Variants in GLYCTK observed in about 807,000 individuals in gnomAD.
GLYCTK encodes glycerate kinase, also known as HBeAg binding protein 4.
Under a neutral mutation model 24.8 loss-of-function variants are expected in GLYCTK, and 22 were observed. The ratio of observed to expected loss-of-function variants is 0.89; its 90% CI spans 0.63 to 1.27. The LOEUF is 1.27. GLYCTK is among the 50% of genes most tolerant of loss of function. The pLI is 0.00. For synonymous variants in GLYCTK, 320 were observed against 297.2 expected, an observed-to-expected ratio of 1.08 and a Z score of -0.79; for missense variants, 684 against 686.7, an observed-to-expected ratio of 1.00 and a Z score of 0.04.
At chr3:52,290,902 T>G (rs371251254) in intron 2 of GLYCTK, 58 bp from the exon 3 acceptor site, 1 of 1,608,004 alleles carries the variant, frequency 6.2e-7, no homozygotes. Context: ...AGTTGAGAGA[T>G]CAGGTGGGAG....
At position 52,290,501 on chromosome 3, in the gene GLYCTK, C is replaced by T. The variant is rs1700427928; in HGVS notation, c.159C>T (p.Pro53=). The change falls in exon 2 of 5, where the codon CCC becomes CCT. Residue 53 remains proline, a synonymous_variant. Coordinates refer to ENST00000436784, the MANE Select transcript of GLYCTK (RefSeq NM_145262.4). The part of the protein sequence containing the change: ...ESAVGAVLPG[P]MLHRALSLDP... ...CTGTAGGTGCAGTGCTGCCGGGCCC[C>T]ATGCTGCACCGGGCACTATCCTTGG... 6.2e-7 allele frequency: 1 copy of T among 1,613,464 alleles called. No individual in the cohort carries two copies. The highest frequency in any genetic ancestry group is 8.5e-7 in the Non-Finnish European group (1 of 1,180,014).
Position 52,290,417 on chromosome 3 carries a change from G to A in GLYCTK, c.75G>A (p.Val25=). 6.2e-7 allele frequency: 1 copy of A among 1,610,470 alleles called. No homozygotes were observed. The highest frequency in any genetic ancestry group is 8.5e-7 in the Non-Finnish European group (1 of 1,179,956). Residue 25 remains valine (V), a synonymous_variant, in exon 2 of 5, where the codon GTG becomes GTA. Coordinates refer to ENST00000436784, the MANE Select transcript of GLYCTK (RefSeq NM_145262.4). ...ATCCACTCCTCTGGCGGGGCTCAGT[G>A]GCCCGTCTGGCCAGCAGCATGGCCT... ...PLHPLLWRGS[V]ARLASSMALA... is the part of the protein sequence containing the mutation.
At position 52,292,975 on chromosome 3, in the gene GLYCTK, C is replaced by T. The variant is rs1316561468; in HGVS notation, c.1421C>T (p.Ala474Val). 2 of 1,614,100 alleles carry T rather than the reference C, an allele frequency of 1.2e-6. No individual in the cohort carries two copies. The highest frequency in any genetic ancestry group is 4.5e-5 in the East Asian group (2 of 44,884). Reference sequence around the variant, plus strand: ...ACACCTGAGCTTGCCAGCCAGGCTGCAGCTGAGGGCCTGGACATAGCCACC... The same window carrying T: ...ACACCTGAGCTTGCCAGCCAGGCTGTAGCTGAGGGCCTGGACATAGCCACC... ...WVTPELASQA[A>V]AEGLDIATFL... Residue 474 changes from alanine to valine, a missense_variant, in exon 5 of 5, where the codon GCA (alanine) becomes GTA (valine). Coordinates refer to ENST00000436784, the MANE Select transcript of GLYCTK (RefSeq NM_145262.4).
chr3:52,291,889 T>C lies in GLYCTK; in HGVS notation c.672T>C (p.Gly224=). 1 of 1,613,328 alleles carries C rather than the reference T, an allele frequency of 6.2e-7. No homozygotes were observed. The highest frequency in any genetic ancestry group is 1.1e-5 in the South Asian group (1 of 91,076). The change falls in exon 4 of 5, where the codon GGT becomes GGC. Residue 224 remains glycine (G), a synonymous_variant. Coordinates refer to ENST00000436784, the MANE Select transcript of GLYCTK (RefSeq NM_145262.4). ...GGAAGGCCCTGTCCCAGCTCAAGGG[T>C]GGGGGGCTGGCTCAGGCCGCCTACC... ...TIRKALSQLK[G]GGLAQAAYPA... is the part of the protein sequence containing the mutation.
chr3:52,293,318 G>A lies in GLYCTK; in HGVS notation c.*192G>A. The stretch of plus-strand genomic sequence containing the variant: ...CTATTCCCTTCCAGCCAGACTGGCA[G>A]ATGGGGGCTTCCCCCTACCCCTGAG... On this transcript the variant is annotated 3_prime_UTR_variant, in exon 5 of 5. Coordinates refer to ENST00000436784, the MANE Select transcript of GLYCTK (RefSeq NM_145262.4). 1.4e-6 allele frequency: 1 copy of A among 720,782 alleles called. No individual in the cohort carries two copies. Among genetic ancestry groups the A allele is most frequent in the Non-Finnish European group, 2.5e-6 (1 of 402,830 alleles). The allele number at this position is 720,782 out of a possible 1,614,324, so 44.6% of individuals were successfully genotyped here.
At position 52,292,368 on chromosome 3, in the gene GLYCTK, A is replaced by T; in HGVS notation, c.814A>T (p.Asn272Tyr). 1 of 1,613,998 alleles carries T rather than the reference A, an allele frequency of 6.2e-7. No homozygotes were observed. Among genetic ancestry groups the T allele is most frequent in the Non-Finnish European group, 8.5e-7 (1 of 1,179,998 alleles). The change falls in exon 5 of 5, where the codon AAT becomes TAT. Residue 272 changes from asparagine to tyrosine, a missense_variant. Coordinates refer to ENST00000436784, the MANE Select transcript of GLYCTK (RefSeq NM_145262.4). The part of the protein sequence containing the change: ...HNVQDCLHIL[N>Y]RYGLRAALPR... ...TGTGCAAGATTGCCTGCATATCCTC[A>T]ATCGCTACGGCCTCCGTGCAGCCCT...
chr3:52,293,233 C>A lies in GLYCTK; in HGVS notation c.*107C>A. 2.6e-6 allele frequency: 3 copies of A among 1,145,566 alleles called. No homozygotes were observed. Among genetic ancestry groups the A allele is most frequent in the Non-Finnish European group, 2.6e-6 (2 of 779,940 alleles). The allele number at this position is 1,145,566 out of a possible 1,614,324, so 71.0% of individuals were successfully genotyped here. On this transcript the variant is annotated 3_prime_UTR_variant, in exon 5 of 5. Transcript: ENST00000436784. ...CTCTCTAAGCCTTAGGGCCCCTCCT[C>A]TCCTTGGCCTTGGCTGTTTGGTTAA...
Position 52,292,461 on chromosome 3 carries a change from C to A in GLYCTK, c.907C>A (p.His303Asn). Residue 303 changes from histidine to asparagine, a missense_variant, in exon 5 of 5, where the codon CAT becomes AAT. By Grantham distance (68) the His-to-Asn change is moderately conservative. Transcript: ENST00000436784. Reference protein sequence around the residue: ...SDPHGPHTCGHVLNVIIGSNV... With the variant: ...SDPHGPHTCGNVLNVIIGSNV... ...CCCCCATGGGCCACACACCTGTGGC[C>A]ATGTCCTGAATGTGATCATTGGCTC... The A allele has an allele frequency of 6.2e-7, 1 of 1,613,024 alleles. No homozygotes were observed. The highest frequency in any genetic ancestry group is 1.1e-5 in the South Asian group (1 of 91,056).
rs577375721 is a variant in GLYCTK, at chr3:52,294,483, A to C, written c.*1357A>C. ...TTCATGACCTGGGGGCCTGGCTCACACAGGGCAGGCTGGAGATTGGGAGGG... is the reference window on the plus strand; with the variant it reads ...TTCATGACCTGGGGGCCTGGCTCACCCAGGGCAGGCTGGAGATTGGGAGGG... On this transcript the variant is annotated 3_prime_UTR_variant, in exon 5 of 5. Transcript: ENST00000436784. 4 of 400,926 alleles carry C rather than the reference A, an allele frequency of 1.0e-5. No individual in the cohort carries two copies. The Admixed American group carries it at 1.2e-4, about 12-fold the overall frequency. 24.8% of individuals were successfully genotyped at this position (400,926 alleles called of 1,614,324 possible). A position where few individuals can be genotyped will look rare whatever the true frequency, so the allele number is the denominator to read the frequency against.
At chr3:52,291,555 G>A in intron 3 of GLYCTK, 192 bp from the exon 4 acceptor site, 1 of 608,030 alleles carries the variant, frequency 1.6e-6, no homozygotes, top group Non-Finnish European at 2.9e-6. Context: ...ACTGGGACCT[G>A]GGGTACCCCA....
At chr3:52,290,768 C>G (rs541404563) in intron 2 of GLYCTK, 49 bp downstream of exon 2, 3 of 1,598,992 alleles carry the variant, frequency 1.9e-6, no homozygotes, top group East Asian at 4.5e-5. Context: ...GGAGGGAAAC[C>G]TGGGCCCAGA....
intron 1 of GLYCTK, chr3:52,288,624 C>A (rs772900636): frequency 6.6e-6 from 1 of 152,214 alleles, no homozygotes; most frequent in Middle Eastern, 3.4e-3. Flanking sequence ...CAAATTTAAC[C>A]GGAAGTCCTG....
chr3:52,290,781 CA>C, intron 2 of GLYCTK, 62 bp downstream of exon 2: 1 of 1,593,812 alleles, frequency 6.3e-7, no homozygotes, highest in South Asian at 1.1e-5. Context: ...GGCCCAGACA[CA>C]GGCTGAATCG....
Position 52,294,588 on chromosome 3 carries a change from C to T in GLYCTK, c.*1462C>T, listed in dbSNP as rs1322406641. The T allele has an allele frequency of 1.2e-5, 5 of 412,222 alleles. No homozygotes were observed. The highest frequency in any genetic ancestry group is 2.4e-5 in the Non-Finnish European group (5 of 207,944). 25.5% of individuals were successfully genotyped at this position (412,222 alleles called of 1,614,324 possible). ...CTTGCACCCCACTGGGATGCGCAGG[C>T]ACCGCTTCCTTTCCTTCTGTGCTGG... On this transcript the variant is annotated 3_prime_UTR_variant, in exon 5 of 5. Transcript: ENST00000436784.
Position 52,293,327 on chromosome 3 carries a change from T to C in GLYCTK, c.*201T>C. On this transcript the variant is annotated 3_prime_UTR_variant, in exon 5 of 5. Coordinates refer to ENST00000436784, the MANE Select transcript of GLYCTK (RefSeq NM_145262.4). ...TCCAGCCAGACTGGCAGATGGGGGC[T>C]TCCCCCTACCCCTGAGGATGAGGAC... 4.2e-6 allele frequency: 3 copies of C among 710,798 alleles called. No individual in the cohort carries two copies. The allele number at this position is 710,798 out of a possible 1,614,324, so 44.0% of individuals were successfully genotyped here.
At chr3:52,288,044 C>T (rs1700341117) in intron 1 of GLYCTK, 168 bp downstream of exon 1, 2 of 289,410 alleles carry the variant, frequency 6.9e-6, no homozygotes, top group African/African-American at 4.5e-5. Context: ...TTCCGGCCCC[C>T]TACTGTCTAG....
chr3:52,291,681 C>T (rs1473251613), intron 3 of GLYCTK, 66 bp from the exon 4 acceptor site: 2 of 1,497,686 alleles, frequency 1.3e-6, no homozygotes, highest in Non-Finnish European at 1.9e-6. Flanking sequence ...GGGCTTGTCA[C>T]CCCTGCTTGC....
In GLYCTK at chr3:52,294,117, C is replaced by T. The variant is rs755347614; in HGVS notation, c.*991C>T. 7.6e-5 allele frequency: 40 copies of T among 528,092 alleles called. No homozygotes were observed. Among genetic ancestry groups the T allele is most frequent in the Admixed American group, 2.7e-4 (14 of 51,410 alleles). 32.7% of individuals were successfully genotyped at this position (528,092 alleles called of 1,614,324 possible). ...GAAGAGGCAAGTGGGAATAGAGGAACGGCTGTGTTGGCCTGGCCAGCAGCC... is the reference window on the plus strand; with the variant it reads ...GAAGAGGCAAGTGGGAATAGAGGAATGGCTGTGTTGGCCTGGCCAGCAGCC... On this transcript the variant is annotated 3_prime_UTR_variant, in exon 5 of 5. Coordinates refer to ENST00000436784, the MANE Select transcript of GLYCTK (RefSeq NM_145262.4).
chr3:52,290,710 C>T lies in GLYCTK; in HGVS notation c.368C>T (p.Ala123Val). Residue 123 changes from alanine to valine, a missense_variant, in exon 2 of 5, where the codon GCC becomes GTC. By Grantham distance (64) the Ala-to-Val change is moderately conservative (BLOSUM62 0). Transcript: ENST00000436784. ...GGGATCCGTGCTGCCATGGAGCGTG[C>T]CGGCAAGCAGTAAGGAGCCATGGGG... ...PKGIRAAMERAGKQEMLLKPH... is the reference protein window; with the variant it reads ...PKGIRAAMERVGKQEMLLKPH... 1 of 1,610,868 alleles carries T rather than the reference C, an allele frequency of 6.2e-7. No homozygotes were observed. The highest frequency in any genetic ancestry group is 8.5e-7 in the Non-Finnish European group (1 of 1,178,046).
Sources: allele counts gnomAD v4.1 joint callset, GRCh38; gene constraint gnomAD v4.1.1; transcripts MANE v1.5; gene names NCBI Gene and HGNC (gene_info 2026-07-23, HGNC 2026-07-21).